LRRFIP2: variants seen among roughly 807,000 people sequenced by gnomAD.
The protein encoded by LRRFIP2 is LRR binding FLII interacting protein 2.
A neutral mutation model predicts 125.9 loss-of-function variants in LRRFIP2; 109 were observed. That is an observed-to-expected ratio of 0.87 (90% CI 0.74 to 1.01). LRRFIP2 has a LOEUF of 1.01. LRRFIP2 is among the 50% of genes least tolerant of loss of function. LRRFIP2 has a pLI of 0.00. For synonymous variants in LRRFIP2, 291 were observed against 293.1 expected (o/e 0.99, Z 0.07); for missense variants, 850 against 862.3 (o/e 0.99, Z 0.18).
At chr3:37,065,038 C>T (rs1474127891) in intron 23 of LRRFIP2, 1 of 152,802 alleles carries the variant, frequency 6.5e-6, no homozygotes, top group African/African-American at 2.4e-5. Context: ...CAGTTTGCTT[C>T]ACACTTGTAT....
chr3:37,066,446 A>T (rs1323971397), intron 21 of LRRFIP2, 121 bp from the exon 22 acceptor site: 1 of 755,034 alleles, frequency 1.3e-6, no homozygotes, highest in Non-Finnish European at 2.3e-6. Flanking sequence ...GAAAGCAGTC[A>T]AAAGATTGGA....
chr3:37,091,530 A>G lies in LRRFIP2; in HGVS notation c.1044T>C (p.Tyr348=). The G allele has an allele frequency of 6.2e-7, 1 of 1,608,928 alleles. No individual in the cohort carries two copies. Reference sequence around the variant, plus strand: ...CATCCTGTATCTGGTCCTTAAGGTCATAGATATCCTGCAGGACATAGGAAT... The same window carrying G: ...CATCCTGTATCTGGTCCTTAAGGTCGTAGATATCCTGCAGGACATAGGAAT... ...DTSLSELRDI[Y]DLKDQIQDVE... Residue 348 remains tyrosine, a synonymous_variant, in exon 18 of 28, where the codon TAT becomes TAC. Coordinates refer to ENST00000336686, the MANE Select transcript of LRRFIP2 (RefSeq NM_006309.4).
At chr3:37,095,567 T>C (rs1032228121) in intron 16 of LRRFIP2, among the ~76,000 whole-genome samples, 3 of 152,216 alleles carry the variant, frequency 2.0e-5, no homozygotes, top group African/African-American at 7.2e-5. Flanking sequence ...ATAGGATACA[T>C]ACCAGATTTT....
intron 4 of LRRFIP2, among the ~76,000 whole-genome samples, chr3:37,125,720 G>A (rs2095247976): frequency 6.6e-6 from 1 of 152,066 alleles, no homozygotes; most frequent in Non-Finnish European, 1.5e-5. Flanking sequence ...CCAAAAAAAG[G>A]TATTATAATT....
chr3:37,082,457 C>T (rs1412969897), intron 19 of LRRFIP2, among the ~76,000 whole-genome samples: 1 of 152,032 alleles, frequency 6.6e-6, no homozygotes, highest in Non-Finnish European at 1.5e-5. Flanking sequence ...CACAGTCTAC[C>T]CTATTATAAA....
intron 18 of LRRFIP2, 58 bp downstream of exon 18, chr3:37,091,409 C>T: frequency 7.1e-7 from 1 of 1,410,108 alleles, no homozygotes; most frequent in South Asian, 1.3e-5. Flanking sequence ...TGCAAAGCCA[C>T]CATTGCCAAC....
chr3:37,107,103 C>T (rs1193397102), intron 13 of LRRFIP2, among the ~76,000 whole-genome samples: 1 of 151,942 alleles, frequency 6.6e-6, no homozygotes, highest in Non-Finnish European at 1.5e-5. Context: ...GGGGTTTCAC[C>T]ATGTCGGTCA....
In LRRFIP2 at chr3:37,075,076, T is replaced by C. The variant is rs2091835748; in HGVS notation, c.1319A>G (p.His440Arg). Residue 440 changes from histidine to arginine, a missense_variant, in exon 20 of 28, where the codon CAT (histidine) becomes CGT (arginine). Coordinates refer to ENST00000336686, the MANE Select transcript of LRRFIP2 (RefSeq NM_006309.4). Reference sequence around the variant, plus strand: ...GCCTTCTTTAAGTTCTTCCATCTTATGCTGCAGCACACTACACATATGTTT... The same window carrying C: ...GCCTTCTTTAAGTTCTTCCATCTTACGCTGCAGCACACTACACATATGTTT... ...RQKHMCSVLQ[H>R]KMEELKEGLR... 1.2e-6 allele frequency: 2 copies of C among 1,612,924 alleles called. No individual in the cohort carries two copies. The highest frequency in any genetic ancestry group is 1.7e-6 in the Non-Finnish European group (2 of 1,179,850).
intron 2 of LRRFIP2, among the ~76,000 whole-genome samples, chr3:37,140,687 A>G (rs2095673686): frequency 6.6e-6 from 1 of 151,762 alleles, no homozygotes; most frequent in African/African-American, 2.4e-5. Context: ...CTCCCACTAG[A>G]ACTCAGACTT....
intron 7 of LRRFIP2, 120 bp from the exon 8 acceptor site, chr3:37,113,100 C>T (rs533899766): frequency 2.3e-5 from 12 of 529,582 alleles, no homozygotes; most frequent in Admixed American, 2.1e-4. Context: ...AGTTTACATG[C>T]AATTTATTTC....
intron 1 of LRRFIP2, among the ~76,000 whole-genome samples, chr3:37,156,253 G>T (rs1266060714): frequency 6.6e-6 from 1 of 152,098 alleles, no homozygotes; most frequent in African/African-American, 2.4e-5. Flanking sequence ...GCCGAGGCAG[G>T]CAAGTTGCTT....
chr3:37,054,553 C>T, intron 26 of LRRFIP2, 38 bp from the exon 27 acceptor site: 1 of 1,356,754 alleles, frequency 7.4e-7, no homozygotes, highest in Non-Finnish European at 1.0e-6. Context: ...GTACTGGGCA[C>T]TAGAAGTCAC....
intron 15 of LRRFIP2, among the ~76,000 whole-genome samples, chr3:37,099,750 C>A (rs899683558): frequency 6.6e-6 from 1 of 151,988 alleles, no homozygotes; most frequent in African/African-American, 2.4e-5. Flanking sequence ...AGAAATAAAG[C>A]CAATGTAGAA....
At chr3:37,066,399 T>A in intron 21 of LRRFIP2, 74 bp from the exon 22 acceptor site, 1 of 1,119,856 alleles carries the variant, frequency 8.9e-7, no homozygotes, top group Non-Finnish European at 1.4e-6. Context: ...GAGAAGTACC[T>A]AATTCAAATA....
chr3:37,075,122 A>G lies in LRRFIP2; in HGVS notation c.1279-6T>C. ...TGTTTCTGCCTTTCTAACTCCTGTT[A>G]TTAAACAAATAATATCATTTACACA... On this transcript the variant is annotated splice_polypyrimidine_tract_variant and splice_region_variant and intron_variant, in intron 19 of 27. Coordinates refer to ENST00000336686, the MANE Select transcript of LRRFIP2 (RefSeq NM_006309.4). 1.3e-6 allele frequency: 2 copies of G among 1,590,872 alleles called. No individual in the cohort carries two copies. The highest frequency in any genetic ancestry group is 1.7e-6 in the Non-Finnish European group (2 of 1,162,660).
intron 4 of LRRFIP2, among the ~76,000 whole-genome samples, chr3:37,127,351 G>A (rs2095309808): frequency 6.6e-6 from 1 of 151,980 alleles, no homozygotes; most frequent in African/African-American, 2.4e-5. Context: ...AAGGGGGGAA[G>A]AAAAGAACAA....
intron 1 of LRRFIP2, among the ~76,000 whole-genome samples, chr3:37,172,379 T>C (rs1434412684): frequency 6.6e-6 from 1 of 152,116 alleles, no homozygotes; most frequent in Non-Finnish European, 1.5e-5. Context: ...ATGTGCTAAA[T>C]ACAAAAAGAT....
At chr3:37,135,220 G>C in intron 2 of LRRFIP2, 1 of 688,418 alleles carries the variant, frequency 1.5e-6, no homozygotes, top group South Asian at 1.8e-5. Flanking sequence ...TAGCACTTTG[G>C]GAGTCCAAGG....
chr3:37,065,418 T>C (rs908656454), intron 23 of LRRFIP2: 1 of 371,974 alleles, frequency 2.7e-6, no homozygotes, highest in African/African-American at 2.1e-5. Flanking sequence ...GGGTAAGCAG[T>C]GGAACATAAA....
Sources: allele counts gnomAD v4.1 joint callset (sites outside exome capture counted in the v4.1 genomes callset), GRCh38; gene constraint gnomAD v4.1.1; transcripts MANE v1.5; gene names NCBI Gene and HGNC (gene_info 2026-07-23, HGNC 2026-07-21).